ALMS1: variants seen among roughly 807,000 people sequenced by gnomAD.
ALMS1 encodes ALMS1 centrosome and basal body associated protein, also known as centrosome-associated protein ALMS1.
ALMS1 carries 271 observed loss-of-function variants against 352.2 expected under a neutral mutation model. That is an observed-to-expected ratio of 0.77 (90% CI 0.70 to 0.85). The LOEUF is 0.85. Ranked by LOEUF, ALMS1 falls within the 40% of genes least tolerant of loss-of-function variation. ALMS1 has a pLI of 0.00. For synonymous variants in ALMS1, 1,865 were observed against 1,761.2 expected (o/e 1.06, Z -1.48); for missense variants, 5,445 against 4,870.7 (o/e 1.12, Z -3.51).
At chr2:73,420,539 T>A (rs1294564743) in intron 3 of ALMS1, among the ~76,000 whole-genome samples, 1 of 152,148 alleles carries the variant, frequency 6.6e-6, no homozygotes, top group Admixed American at 6.6e-5. Flanking sequence ...AAGCTATTTT[T>A]CAAATTGATG....
Position 73,426,518 on chromosome 2 carries a change from G to A in ALMS1, c.1303G>A (p.Val435Ile). 6.2e-7 allele frequency: 1 copy of A among 1,614,138 alleles called. No individual in the cohort carries two copies. Among genetic ancestry groups the A allele is most frequent in the Non-Finnish European group, 8.5e-7 (1 of 1,179,972 alleles). The change falls in exon 6 of 23, where the codon GTA becomes ATA. Residue 435 changes from valine (V) to isoleucine (I), a missense_variant. By Grantham distance (29) the Val-to-Ile change is conservative. Transcript: ENST00000613296. ...TLDGLNENAV[V>I]CSERVAELQR... ...GGATGGCCTAAATGAAAATGCTGTT[G>A]TATGCAGTGAAAGAGTTGCTGAACT...
Position 73,568,885 on chromosome 2 carries a change from A to T in ALMS1, c.10385-3377A>T, listed in dbSNP as rs574869063. Among the ~76,000 whole-genome samples the T allele has an allele frequency of 2.7e-5, 4 of 150,478 alleles. No homozygotes were observed. The South Asian group carries it at 8.5e-4, about 32-fold the overall frequency. On this transcript the variant is annotated intron_variant, in intron 15 of 22. Transcript: ENST00000613296. ...GTAAATAACTACTTCAACTTATTTG[A>T]CCTTTACTCTTAACAAAGTGCCATG...
At chr2:73,484,843 A>T (rs1335806351) in intron 9 of ALMS1, among the ~76,000 whole-genome samples, 1 of 152,078 alleles carries the variant, frequency 6.6e-6, no homozygotes, top group Non-Finnish European at 1.5e-5. Context: ...CATCGCTGAT[A>T]CCCTTTCTTC....
intron 9 of ALMS1, 35 bp from the exon 10 acceptor site, chr2:73,489,599 C>T: frequency 6.2e-7 from 1 of 1,613,052 alleles, no homozygotes; most frequent in Non-Finnish European, 8.5e-7. Context: ...ACTTGGACTA[C>T]TTCAAATAAG....
chr2:73,601,468 C>T lies in ALMS1; in HGVS notation c.12114+32C>T, dbSNP rs28730863. 298 of 1,610,284 alleles carry T rather than the reference C, an allele frequency of 1.9e-4. No individual in the cohort carries two copies. The African/African-American group carries it at 3.6e-3, about 19-fold the overall frequency. Reference sequence around the variant, plus strand: ...TGACGTTGACTTAACTTTAATGCTACGTGTAGGGAGAAGAAGGGCAAGGCG... The same window carrying T: ...TGACGTTGACTTAACTTTAATGCTATGTGTAGGGAGAAGAAGGGCAAGGCG... On this transcript the variant is annotated intron_variant, in intron 19 of 22. Coordinates refer to ENST00000613296, the MANE Select transcript of ALMS1 (RefSeq NM_001378454.1).
chr2:73,432,060 A>G, intron 6 of ALMS1, 138 bp from the exon 7 acceptor site: 1 of 667,252 alleles, frequency 1.5e-6, no homozygotes. Context: ...TCCTCTTTGT[A>G]AAAATGAAGG....
chr2:73,499,544 A>G (rs1396532895), intron 10 of ALMS1, among the ~76,000 whole-genome samples: 1 of 152,178 alleles, frequency 6.6e-6, no homozygotes, highest in Non-Finnish European at 1.5e-5. Context: ...CGAAAGATAT[A>G]GAGTTCTAGC....
In ALMS1 at chr2:73,410,351, T is replaced by C. The variant is rs541943515; in HGVS notation, c.450+1604T>C. 1.9e-3 allele frequency among the ~76,000 whole-genome samples: 282 copies of C among 152,120 alleles called. 1 individual carries two copies. The highest frequency in any genetic ancestry group is 0.016 in the South Asian group (77 of 4,820). On this transcript the variant is annotated intron_variant, in intron 2 of 22. Transcript: ENST00000613296. ...TTGCAGTGAGCTGAGGTTGCGCCAC[T>C]GCACTCCATCCTGGGCGATGGAGCA...
chr2:73,514,843 A>G (rs1201802623), intron 10 of ALMS1, among the ~76,000 whole-genome samples: 1 of 152,166 alleles, frequency 6.6e-6, no homozygotes, highest in Non-Finnish European at 1.5e-5. Context: ...TTAAAGAGCT[A>G]CTATCTTTGT....
Position 73,475,300 on chromosome 2 carries a change from C to G in ALMS1, c.7675-14334C>G, listed in dbSNP as rs555529549. 4.6e-5 allele frequency among the ~76,000 whole-genome samples: 7 copies of G among 152,164 alleles called. No homozygotes were observed. In the South Asian group the frequency reaches 6.2e-4, roughly 14 times the overall value. Reference sequence around the variant, plus strand: ...ACTCCATGTTTAACATGTTGAGGAACTTCTAAACTTTTTTCTGAAGTAGCT... The same window carrying G: ...ACTCCATGTTTAACATGTTGAGGAAGTTCTAAACTTTTTTCTGAAGTAGCT... On this transcript the variant is annotated intron_variant, in intron 9 of 22. Transcript: ENST00000613296.
intron 1 of ALMS1, among the ~76,000 whole-genome samples, chr2:73,389,644 C>A (rs888950571): frequency 6.6e-6 from 1 of 152,130 alleles, no homozygotes; most frequent in African/African-American, 2.4e-5. Flanking sequence ...CCCTCTTTTA[C>A]TACAGCCAAT....
intron 2 of ALMS1, 41 bp from the exon 3 acceptor site, chr2:73,419,082 C>G: frequency 1.3e-6 from 2 of 1,504,802 alleles, no homozygotes; most frequent in Non-Finnish European, 1.8e-6. Flanking sequence ...TATGGTAACT[C>G]AGTTAATGAC....
intron 10 of ALMS1, among the ~76,000 whole-genome samples, chr2:73,512,299 G>A (rs761233765): frequency 1.3e-5 from 2 of 151,818 alleles, no homozygotes; most frequent in Non-Finnish European, 2.9e-5. Flanking sequence ...TGGTGAGGCT[G>A]GTCTTGAACT....
chr2:73,455,126 G>A (rs750499262), intron 8 of ALMS1, 36 bp from the exon 9 acceptor site: 3 of 1,610,830 alleles, frequency 1.9e-6, no homozygotes, highest in South Asian at 1.1e-5. Flanking sequence ...TATCACTTTT[G>A]CATTGTATTA....
intron 2 of ALMS1, among the ~76,000 whole-genome samples, chr2:73,411,456 A>G (rs1671075440): frequency 6.6e-6 from 1 of 152,148 alleles, no homozygotes; most frequent in South Asian, 2.1e-4. Context: ...GCCCTAGGAA[A>G]CTAATACCGG....
intron 10 of ALMS1, among the ~76,000 whole-genome samples, chr2:73,499,090 C>T (rs1350957001): frequency 2.6e-5 from 4 of 152,152 alleles, no homozygotes; most frequent in African/African-American, 7.2e-5. Context: ...CTTTTCTCCA[C>T]GTCTTCACCA....
intron 21 of ALMS1, among the ~76,000 whole-genome samples, chr2:73,607,518 C>A (rs771966159): frequency 1.1e-4 from 17 of 152,142 alleles, no homozygotes; most frequent in Non-Finnish European, 2.2e-4. Flanking sequence ...CCCACCTATT[C>A]CTTTACGCTC....
rs574389079 is a variant in ALMS1 at position 73,562,563 on chromosome 2, TC to T, written c.10384+3422del. ...AAACTTCACCTTTAAAGTTGTAAAA[TC>T]AAAAAATACATGTGTAAGTAATTAT... On this transcript the variant is annotated intron_variant, in intron 15 of 22. Transcript: ENST00000613296. 1.7e-3 allele frequency among the ~76,000 whole-genome samples: 260 copies of T among 152,030 alleles called. 3 individuals are homozygous for T. Among genetic ancestry groups the T allele is most frequent in the Non-Finnish European group, 3.4e-3 (233 of 67,960 alleles).
intron 7 of ALMS1, among the ~76,000 whole-genome samples, chr2:73,442,820 C>G (rs1437334272): frequency 2.6e-5 from 4 of 152,162 alleles, no homozygotes; most frequent in Non-Finnish European, 5.9e-5. Flanking sequence ...CTAGATATAT[C>G]TCATACTCCA....
Sources: allele counts gnomAD v4.1 joint callset (sites outside exome capture counted in the v4.1 genomes callset), GRCh38; gene constraint gnomAD v4.1.1; transcripts MANE v1.5; gene names NCBI Gene and HGNC (gene_info 2026-07-23, HGNC 2026-07-21).